RAI2: variants seen among roughly 807,000 people sequenced by gnomAD.
The protein encoded by RAI2 is retinoic acid induced 2, also known as retinoic acid-induced protein 2.
Under a neutral mutation model 15.3 loss-of-function variants are expected in RAI2, and 5 were observed. The ratio of observed to expected loss-of-function variants is 0.33; its 90% CI spans 0.17 to 0.69. The LOEUF is 0.69. Among genes scored for constraint, RAI2 ranks in the 30% least tolerant of loss-of-function variants. The pLI is 0.69. For missense variants in RAI2, 424 were observed against 424.7 expected (o/e 1.00, Z 0.01); for synonymous variants, 191 against 184.0 (o/e 1.04, Z -0.31).
At chrX:17,829,866 G>T (rs980905716) in intron 1 of RAI2, among the ~76,000 whole-genome samples, 5 of 112,318 alleles carry the variant, frequency 4.5e-5, no homozygotes, top group Non-Finnish European at 1.9e-5. Flanking sequence ...TTCCAAAATT[G>T]TTTCAGAATT....
chrX:17,839,749 C>G (rs1270105019), intron 1 of RAI2, among the ~76,000 whole-genome samples: 1 of 112,440 alleles, frequency 8.9e-6, no homozygotes, highest in Non-Finnish European at 1.9e-5. Flanking sequence ...TGGAAACAAC[C>G]TAAATGTCAA....
chrX:17,826,352 A>G (rs1438546185), intron 1 of RAI2, among the ~76,000 whole-genome samples: 1 of 110,634 alleles, frequency 9.0e-6, no homozygotes, highest in Non-Finnish European at 1.9e-5. Flanking sequence ...AGCACCTATC[A>G]CATTTGCAAG....
At chrX:17,835,727 G>A (rs984046064) in intron 1 of RAI2, among the ~76,000 whole-genome samples, 2 of 111,506 alleles carry the variant, frequency 1.8e-5, no homozygotes, top group African/African-American at 6.5e-5. Context: ...CCTTTCTTAT[G>A]TGGAAAAATA....
intron 1 of RAI2, among the ~76,000 whole-genome samples, chrX:17,808,012 C>T (rs1035047537): frequency 1.8e-5 from 2 of 112,174 alleles, no homozygotes; most frequent in East Asian, 2.8e-4. Context: ...GCCCAAGGGT[C>T]GCATGCGGCC....
At chrX:17,802,528 A>G (rs2066927263) in intron 1 of RAI2, among the ~76,000 whole-genome samples, 1 of 112,497 alleles carries the variant, frequency 8.9e-6, no homozygotes, top group Non-Finnish European at 1.9e-5. Context: ...ACTCTGTAGC[A>G]ATCATTCTTC....
rs972908017 is a variant in RAI2 at position 17,806,556 on chromosome X, C to T, written c.-24-4522G>A. On this transcript the variant is annotated intron_variant, in intron 1 of 1. Transcript: ENST00000451717. ...TGCAGCCAGTTGCTAGGGCCTCACCCCCATGTAGCCCATGTGCCCCCTGTA... is the reference window on the plus strand; with the variant it reads ...TGCAGCCAGTTGCTAGGGCCTCACCTCCATGTAGCCCATGTGCCCCCTGTA... Among the ~76,000 whole-genome samples the T allele has an allele frequency of 2.7e-5, 3 of 110,084 alleles. No individual in the cohort carries two copies. In the East Asian group the frequency reaches 8.6e-4, roughly 32 times the overall value.
At chrX:17,829,613 AT>A (rs1351661743) in intron 1 of RAI2, among the ~76,000 whole-genome samples, 2 of 112,606 alleles carry the variant, frequency 1.8e-5, no homozygotes, top group African/African-American at 6.5e-5. Flanking sequence ...CTTAACCAAG[AT>A]GTTTCGCAAG....
chrX:17,860,802 G>C, intron 1 of RAI2: 1 of 106,030 alleles, frequency 9.4e-6, no homozygotes, highest in South Asian at 3.9e-4. Flanking sequence ...CCGCCGGCCG[G>C]CGCCGCCTCC....
chrX:17,807,508 A>G (rs2066994374), intron 1 of RAI2, among the ~76,000 whole-genome samples: 1 of 112,052 alleles, frequency 8.9e-6, no homozygotes, highest in African/African-American at 3.3e-5. Context: ...GGGCAGGGAC[A>G]TTAAAGCTGA....
intron 1 of RAI2, among the ~76,000 whole-genome samples, chrX:17,811,392 G>A (rs2067048189): frequency 8.9e-6 from 1 of 112,163 alleles, no homozygotes; most frequent in Admixed American, 9.4e-5. Context: ...CAGGAGCTCA[G>A]GTCACGTTTA....
intron 1 of RAI2, among the ~76,000 whole-genome samples, chrX:17,814,186 C>G (rs2067080437): frequency 9.2e-6 from 1 of 108,897 alleles, no homozygotes; most frequent in Non-Finnish European, 1.9e-5. Flanking sequence ...CTCAATTCCA[C>G]TGGGGAGACC....
At position 17,801,150 on chromosome X, in the gene RAI2, T is replaced by C. The variant is rs769554601; in HGVS notation, c.861A>G (p.Glu287=). 2 of 1,211,157 alleles carry C rather than the reference T, an allele frequency of 1.7e-6. No homozygotes were observed. The highest frequency in any genetic ancestry group is 4.3e-5 in the Admixed American group (2 of 46,030). Residue 287 remains glutamate (E), a synonymous_variant, in exon 2 of 2, where the codon GAA becomes GAG. Coordinates refer to ENST00000451717, the MANE Select transcript of RAI2 (RefSeq NM_021785.6). ...GCTGGAGGATGTCAAAGGGCTTCAG[T>C]TCATCTTTTTCCAGAGGGGTCTGGG... ...KGTQTPLEKD[E]LKPFDILQPK...
chrX:17,860,933 G>A (rs2067681299), intron 1 of RAI2, among the ~76,000 whole-genome samples, 165 bp downstream of exon 1: 1 of 104,747 alleles, frequency 9.5e-6, no homozygotes, highest in Non-Finnish European at 2.0e-5. Context: ...CTCCCAGCCG[G>A]CCCCGGCCTC....
chrX:17,851,883 T>C (rs1403984321), intron 1 of RAI2, among the ~76,000 whole-genome samples: 3 of 112,476 alleles, frequency 2.7e-5, no homozygotes, highest in Non-Finnish European at 5.6e-5. Context: ...CTTTTCCCTA[T>C]AGAAGGAAGA....
In RAI2 at chrX:17,801,119, C is replaced by T; in HGVS notation, c.892G>A (p.Glu298Lys). Residue 298 changes from glutamate to lysine, a missense_variant, in exon 2 of 2, where the codon GAG becomes AAG. Glu to Lys is a moderately conservative substitution (Grantham distance 56). Transcript: ENST00000451717. ...LKPFDILQPK[E>K]YFQLSRHTVI... is the part of the protein sequence containing the mutation. ...GTGTGGCGGCTGAGCTGGAAGTACT[C>T]CTTAGGCTGGAGGATGTCAAAGGGC... 1.7e-6 allele frequency: 2 copies of T among 1,211,559 alleles called. No homozygotes were observed. The highest frequency in any genetic ancestry group is 2.2e-6 in the Non-Finnish European group (2 of 895,493).
At chrX:17,839,440 C>T (rs910383389) in intron 1 of RAI2, among the ~76,000 whole-genome samples, 8 of 112,312 alleles carry the variant, frequency 7.1e-5, no homozygotes, top group African/African-American at 2.6e-4. Context: ...AGGTGCCATC[C>T]TCTCAATTTG....
At chrX:17,822,283 G>A (rs1456124433) in intron 1 of RAI2, among the ~76,000 whole-genome samples, 1 of 112,056 alleles carries the variant, frequency 8.9e-6, no homozygotes, top group African/African-American at 3.2e-5. Context: ...GGGGTTTAAA[G>A]GTTCACTTAC....
At position 17,801,740 on chromosome X, in the gene RAI2, G is replaced by C. The variant is rs750189498; in HGVS notation, c.271C>G (p.Pro91Ala). ...LCLGESPVVM[P>A]IHMQVEGSSA... ...CTTCCCTCCACCTGCATGTGAATGG[G>C]CATCACCACTGGGCTCTCCCCGAGG... Residue 91 changes from proline (P) to alanine (A), a missense_variant, in exon 2 of 2, where the codon CCC becomes GCC. Coordinates refer to ENST00000451717, the MANE Select transcript of RAI2 (RefSeq NM_021785.6). The C allele has an allele frequency of 8.3e-7, 1 of 1,211,956 alleles. No homozygotes were observed. The highest frequency in any genetic ancestry group is 1.8e-5 in the South Asian group (1 of 56,991).
At chrX:17,802,347 T>A (rs899583327) in intron 1 of RAI2, among the ~76,000 whole-genome samples, 4 of 112,407 alleles carry the variant, frequency 3.6e-5, no homozygotes, top group African/African-American at 1.3e-4. Context: ...TGTTTGGCCT[T>A]CAACAAAAAC....
Sources: gnomAD v4.1 joint callset for allele counts (sites outside exome capture counted in the v4.1 genomes callset) on GRCh38, gnomAD v4.1.1 for gene constraint, MANE v1.5 for transcripts, NCBI Gene and HGNC (gene_info 2026-07-23, HGNC 2026-07-21) for gene names.